GNG2: variants seen among roughly 807,000 people sequenced by gnomAD.
GNG2 encodes the protein guanine nucleotide-binding protein G(I)/G(S)/G(O) subunit gamma-2.
GNG2 carries 5 observed loss-of-function variants against 5.5 expected under a neutral mutation model. That is an observed-to-expected ratio of 0.91 (90% CI 0.48 to 1.92). The LOEUF is 1.92. GNG2 is among the 30% of genes most tolerant of loss of function. GNG2 has a pLI of 0.01. For synonymous variants in GNG2, 28 were observed against 32.0 expected, an observed-to-expected ratio of 0.88 and a Z score of 0.42; for missense variants, 55 against 88.4, an observed-to-expected ratio of 0.62 and a Z score of 1.52.
intron 2 of GNG2, among the ~76,000 whole-genome samples, chr14:51,906,807 G>A (rs1885955707): frequency 7.4e-6 from 1 of 134,436 alleles, no homozygotes; most frequent in South Asian, 2.3e-4. Context: ...CCAGGCTGGA[G>A]TGCAGTGGCG....
At chr14:51,894,119 G>A in intron 2 of GNG2, among the ~76,000 whole-genome samples, 1 of 151,978 alleles carries the variant, frequency 6.6e-6, no homozygotes, top group Non-Finnish European at 1.5e-5. Flanking sequence ...ATTGCAAAAA[G>A]GGGAAAACAA....
chr14:51,899,619 T>G (rs895213820), intron 2 of GNG2, among the ~76,000 whole-genome samples: 1 of 152,118 alleles, frequency 6.6e-6, no homozygotes, highest in Non-Finnish European at 1.5e-5. Context: ...TATCAAAAAA[T>G]TTTTAAAAAT....
intron 2 of GNG2, among the ~76,000 whole-genome samples, chr14:51,947,172 A>G (rs886155461): frequency 5.9e-5 from 9 of 151,704 alleles, no homozygotes; most frequent in African/African-American, 2.2e-4. Context: ...CCACCTCCCT[A>G]CTTCCCTTCC....
At chr14:51,878,880 C>A (rs1416773481) in intron 2 of GNG2, among the ~76,000 whole-genome samples, 4 of 152,244 alleles carry the variant, frequency 2.6e-5, no homozygotes, top group African/African-American at 9.6e-5. Context: ...TTATAAGCAT[C>A]TGATGTTCTT....
intron 3 of GNG2, among the ~76,000 whole-genome samples, chr14:51,966,334 A>G (rs1316354743): frequency 6.6e-6 from 1 of 151,676 alleles, no homozygotes; most frequent in Non-Finnish European, 1.5e-5. Flanking sequence ...CTGCACCCTA[A>G]GTGCCTCACT....
intron 2 of GNG2, among the ~76,000 whole-genome samples, chr14:51,930,129 G>T (rs1277513893): frequency 6.6e-6 from 1 of 152,196 alleles, no homozygotes; most frequent in Non-Finnish European, 1.5e-5. Context: ...GCATGAGCTG[G>T]TCTTCCAATT....
chr14:51,950,575 C>G, intron 2 of GNG2, 75 bp from the exon 3 acceptor site: 1 of 886,304 alleles, frequency 1.1e-6, no homozygotes. Context: ...TTGAGATCCC[C>G]TAGTTACGAT....
intron 2 of GNG2, among the ~76,000 whole-genome samples, chr14:51,904,970 A>C (rs929222523): frequency 6.6e-6 from 1 of 152,190 alleles, no homozygotes; most frequent in Non-Finnish European, 1.5e-5. Flanking sequence ...AGATCTTGAC[A>C]GATAAATGTA....
At chr14:51,844,064 G>A (rs180987061) in intron 2 of GNG2, among the ~76,000 whole-genome samples, 5 of 152,072 alleles carry the variant, frequency 3.3e-5, no homozygotes, top group South Asian at 4.2e-4. Context: ...TTCTCAGTTC[G>A]CTCTGCTCCT....
chr14:51,876,380 G>T (rs936093176), intron 1 of GNG2, among the ~76,000 whole-genome samples: 1 of 152,068 alleles, frequency 6.6e-6, no homozygotes, highest in Non-Finnish European at 1.5e-5. Flanking sequence ...GTTTGTTTTG[G>T]TTAAAGTCAT....
At chr14:51,951,743 T>A in intron 3 of GNG2, 1 of 586,486 alleles carries the variant, frequency 1.7e-6, no homozygotes, top group Non-Finnish European at 3.0e-6. Context: ...CCACTGCCTA[T>A]GTTTATAAAG....
intron 3 of GNG2, among the ~76,000 whole-genome samples, chr14:51,951,492 T>C (rs2140286202): frequency 6.6e-6 from 1 of 152,344 alleles, no homozygotes. Context: ...AGTAAATTTC[T>C]GTTAACCATC....
intron 3 of GNG2, among the ~76,000 whole-genome samples, chr14:51,951,369 C>A (rs77637408): frequency 0.032 from 4,852 of 152,244 alleles, 183 homozygotes; most frequent in East Asian, 0.14. Context: ...TAAGCTGGGG[C>A]TAATTCATCT....
At chr14:51,919,877 GTATT>G (rs973307025) in intron 2 of GNG2, among the ~76,000 whole-genome samples, 10 of 152,116 alleles carry the variant, frequency 6.6e-5, no homozygotes, top group African/African-American at 2.4e-4. Flanking sequence ...CAGATTCTAG[GTATT>G]TATAGGCAAA....
At chr14:51,890,712 C>T (rs894273179) in intron 2 of GNG2, among the ~76,000 whole-genome samples, 3 of 152,140 alleles carry the variant, frequency 2.0e-5, no homozygotes, top group Non-Finnish European at 2.9e-5. Flanking sequence ...GAATCTACAA[C>T]ACAAAGTATA....
intron 2 of GNG2, among the ~76,000 whole-genome samples, chr14:51,884,293 A>C (rs2140146525): frequency 6.6e-6 from 1 of 152,350 alleles, no homozygotes; most frequent in East Asian, 1.9e-4. Flanking sequence ...ACTACAGCTG[A>C]AGGATGTTAA....
At chr14:51,892,963 A>G (rs1424332643) in intron 2 of GNG2, among the ~76,000 whole-genome samples, 1 of 152,232 alleles carries the variant, frequency 6.6e-6, no homozygotes, top group Non-Finnish European at 1.5e-5. Flanking sequence ...ATGTCACAGA[A>G]TTCACCTAGC....
intron 2 of GNG2, among the ~76,000 whole-genome samples, chr14:51,848,559 G>A (rs1881749732): frequency 6.6e-6 from 1 of 152,192 alleles, no homozygotes; most frequent in Non-Finnish European, 1.5e-5. Flanking sequence ...TAGATGTTAG[G>A]AGGCCTCCTC....
At chr14:51,945,498 G>C (rs1448093829) in intron 2 of GNG2, among the ~76,000 whole-genome samples, 1 of 147,178 alleles carries the variant, frequency 6.8e-6, no homozygotes, top group Non-Finnish European at 1.5e-5. Flanking sequence ...TATAGAGACA[G>C]AAAGTAGAAT....
Sources: gnomAD v4.1 joint callset for allele counts (sites outside exome capture counted in the v4.1 genomes callset) on GRCh38, gnomAD v4.1.1 for gene constraint, MANE v1.5 for transcripts, NCBI Gene and HGNC (gene_info 2026-07-23, HGNC 2026-07-21) for gene names.